Variants in GNE observed in about 807,000 individuals in gnomAD.
The protein encoded by GNE is glucosamine (UDP-N-acetyl)-2-epimerase/N-acetylmannosamine kinase, also known as bifunctional UDP-N-acetylglucosamine 2-epimerase/N-acetylmannosamine kinase.
Under a neutral mutation model 61.8 loss-of-function variants are expected in GNE, and 41 were observed. That is an observed-to-expected ratio of 0.66 (90% confidence interval 0.52 to 0.86). GNE has a LOEUF of 0.86. Ranked by LOEUF, GNE falls within the 40% of genes least tolerant of loss-of-function variation. GNE has a pLI of 0.00. For synonymous variants in GNE, 264 were observed against 326.4 expected, an observed-to-expected ratio of 0.81 and a Z score of 2.06; for missense variants, 608 against 909.1, an observed-to-expected ratio of 0.67 and a Z score of 4.26.
intron 9 of GNE, among the ~76,000 whole-genome samples, chr9:36,222,376 G>A (rs1033731433): frequency 4.9e-5 from 7 of 142,914 alleles, no homozygotes; most frequent in East Asian, 4.1e-4. Flanking sequence ...CCGAGATCCC[G>A]CCACTGCACT....
intron 5 of GNE, among the ~76,000 whole-genome samples, chr9:36,232,339 C>G (rs1829204987): frequency 9.4e-6 from 1 of 106,372 alleles, no homozygotes; most frequent in Admixed American, 9.2e-5. Context: ...CCCCCCCGCC[C>G]CCCCTCCCGA....
chr9:36,240,085 A>G (rs1829571424), intron 3 of GNE, among the ~76,000 whole-genome samples: 1 of 152,046 alleles, frequency 6.6e-6, no homozygotes, highest in African/African-American at 2.4e-5. Flanking sequence ...AGGATTTTCA[A>G]GGTAAATAAT....
intron 1 of GNE, among the ~76,000 whole-genome samples, chr9:36,256,944 C>T (rs970856405): frequency 8.5e-5 from 13 of 152,158 alleles, no homozygotes; most frequent in African/African-American, 1.4e-4. Flanking sequence ...CGGTGGCTGA[C>T]GCCTGTAACC....
At chr9:36,264,851 T>C (rs1830717414) in intron 1 of GNE, 1 of 156,872 alleles carries the variant, frequency 6.4e-6, no homozygotes, top group African/African-American at 2.4e-5. Context: ...ATGATCAGGA[T>C]ATAAAGCCAG....
In GNE at chr9:36,273,533, A is replaced by G. The variant is rs374510310; in HGVS notation, c.51+3361T>C. ...CGCCTGGCCACACTCCATAAACTTT[A>G]CGTGTTTTGAAATACACTGTTTACT... On this transcript the variant is annotated intron_variant, in intron 1 of 11. Transcript: ENST00000396594. Among the ~76,000 whole-genome samples, 10 of 151,966 alleles carry G rather than the reference A, an allele frequency of 6.6e-5. No individual in the cohort carries two copies. In the East Asian group the frequency reaches 1.4e-3, roughly 21 times the overall value.
chr9:36,258,604 G>T, upstream of GNE: 1 of 754,274 alleles, frequency 1.3e-6, no homozygotes, highest in Non-Finnish European at 1.6e-6. Flanking sequence ...ATTTTGAGGC[G>T]CAGGCAGGGT....
In GNE at chr9:36,257,161, C is replaced by T. The variant is rs1003653886; in HGVS notation, c.-43+1160G>A. ...TCATTGAGAGAACCGAAAATCAAAC[C>T]CTTGTCTGAATGACTTCAGCGCTCA... On this transcript the variant is annotated intron_variant, in intron 1 of 11. Coordinates refer to ENST00000642385, the MANE Select transcript of GNE (RefSeq NM_005476.7). Among the ~76,000 whole-genome samples, 17 of 152,150 alleles carry T rather than the reference C, an allele frequency of 1.1e-4. 1 individual carries two copies. Among genetic ancestry groups the T allele is most frequent in the South Asian group, 2.1e-4 (1 of 4,814 alleles).
chr9:36,253,371 G>C lies in GNE; in HGVS notation c.-42-3974C>G, dbSNP rs140217891. Among the ~76,000 whole-genome samples, 319 of 150,812 alleles carry C rather than the reference G, an allele frequency of 2.1e-3. 3 individuals are homozygous for C. Among genetic ancestry groups the C allele is most frequent in the African/African-American group, 7.4e-3 (304 of 41,058 alleles). On this transcript the variant is annotated intron_variant, in intron 1 of 11. Transcript: ENST00000642385. ...GCTCACTGCAACTTCCACCTCCCCA[G>C]TTCAAGAGATTCTTGTGCCTCAGCC...
At position 36,219,841 on chromosome 9, in the gene GNE, C is replaced by A; in HGVS notation, c.1813G>T (p.Asp605Tyr). Residue 605 changes from aspartate (D) to tyrosine (Y), a missense_variant, in exon 10 of 12, where the codon GAT (aspartate) becomes TAT (tyrosine). Coordinates refer to ENST00000642385, the MANE Select transcript of GNE (RefSeq NM_005476.7). ...TCCTCGAGAGAGGGACACCAACCAT[C>A]ATGGAGCTTTTTTGCCTCCCTCTGC... is the stretch of plus-strand genomic sequence containing the variant. The part of the protein sequence containing the change: ...ALQREAKKLH[D>Y]EDLLLVEGMS... The A allele has an allele frequency of 6.2e-7, 1 of 1,614,008 alleles. No homozygotes were observed. The highest frequency in any genetic ancestry group is 8.5e-7 in the Non-Finnish European group (1 of 1,179,840).
At chr9:36,248,407 C>T (rs1047508986) in intron 2 of GNE, among the ~76,000 whole-genome samples, 2 of 151,740 alleles carry the variant, frequency 1.3e-5, no homozygotes, top group Admixed American at 6.6e-5. Flanking sequence ...CTCCGCCTCC[C>T]GGGTTCAAGT....
chr9:36,251,274 C>G (rs559460407), intron 1 of GNE, among the ~76,000 whole-genome samples: 1 of 152,154 alleles, frequency 6.6e-6, no homozygotes, highest in East Asian at 1.9e-4. Flanking sequence ...TCGCTCTGAG[C>G]GTTATGGCCC....
Position 36,238,457 on chromosome 9 carries a change from G to A in GNE, c.617-1473C>T, listed in dbSNP as rs187960516. On this transcript the variant is annotated intron_variant, in intron 3 of 11. Coordinates refer to ENST00000642385, the MANE Select transcript of GNE (RefSeq NM_005476.7). The stretch of plus-strand genomic sequence containing the variant: ...ATGGCCATTCTTACAGGAGTAAGGC[G>A]GCATCGCATTATGGTTTTGATTTGC... 6.4e-3 allele frequency among the ~76,000 whole-genome samples: 977 copies of A among 152,266 alleles called. 6 individuals carry two copies. Among genetic ancestry groups the A allele is most frequent in the Admixed American group, 0.011 (174 of 15,288 alleles).
rs1743595484 is a variant in GNE at position 36,251,605 on chromosome 9, T to C, written c.-42-2208A>G. On this transcript the variant is annotated intron_variant, in intron 1 of 11. Coordinates refer to ENST00000642385, the MANE Select transcript of GNE (RefSeq NM_005476.7). ...AGCCAGACTTGGAACATGTTAAACT[T>C]CTCTAAATCAACATAAAATTTCACC... Among the ~76,000 whole-genome samples the C allele has an allele frequency of 3.9e-5, 6 of 152,014 alleles. No individual in the cohort carries two copies. The South Asian group carries it at 1.2e-3, about 32-fold the overall frequency.
chr9:36,238,751 G>A (rs561303777), intron 3 of GNE, among the ~76,000 whole-genome samples: 1 of 152,176 alleles, frequency 6.6e-6, no homozygotes, highest in South Asian at 2.1e-4. Context: ...TTAGGTCCAG[G>A]CTATTTATCT....
In GNE at chr9:36,217,676, A is replaced by T. The variant is rs539271317; in HGVS notation, c.1934-76T>A. On this transcript the variant is annotated intron_variant, in intron 11 of 11. Transcript: ENST00000642385. ...AATACCAAAGAGGAAGGCAGAAAAG[A>T]GCCAGCAGCAGAAATGTTAAAGAAC... 2.5e-5 allele frequency: 22 copies of T among 867,390 alleles called. No homozygotes were observed. The African/African-American group carries it at 3.7e-4, about 14-fold the overall frequency. The allele number at this position is 867,390 out of a possible 1,614,324, so 53.7% of individuals were successfully genotyped here.
intron 1 of GNE, among the ~76,000 whole-genome samples, chr9:36,275,604 A>G (rs1053411390): frequency 6.6e-6 from 1 of 152,182 alleles, no homozygotes; most frequent in Admixed American, 6.6e-5. Flanking sequence ...TTATACAAAA[A>G]AAATGGATGG....
upstream of GNE, among the ~76,000 whole-genome samples, chr9:36,262,227 G>A (rs1360085585): frequency 1.3e-5 from 2 of 151,912 alleles, no homozygotes; most frequent in South Asian, 2.1e-4. Flanking sequence ...TACCTTTAAC[G>A]GTAGGGAATA....
At chr9:36,260,739 G>A (rs2133173781), upstream of GNE, among the ~76,000 whole-genome samples, 4 of 151,582 alleles carry the variant, frequency 2.6e-5, no homozygotes, top group Admixed American at 2.6e-4. Flanking sequence ...CGTGGTGGCG[G>A]GCGCCTGTAG....
Position 36,222,867 on chromosome 9 carries a change from C to CT in GNE, c.1542dup (p.Asp515ArgfsTer3). On this transcript the variant is annotated frameshift_variant, in exon 9 of 12. Transcript: ENST00000642385. LOFTEE classifies it high-confidence loss of function. ...AGGGCAGCACAGTTGCCATCATTGTCTACCCACACAGGGAGATGCAAAGTG... is the reference window on the plus strand; with the variant it reads ...AGGGCAGCACAGTTGCCATCATTGTCTTACCCACACAGGGAGATGCAAAGTG... 4.3e-6 allele frequency: 7 copies of CT among 1,614,182 alleles called. No homozygotes were observed. Among genetic ancestry groups the CT allele is most frequent in the Non-Finnish European group, 5.9e-6 (7 of 1,180,022 alleles).
Sources: allele counts gnomAD v4.1 joint callset (sites outside exome capture counted in the v4.1 genomes callset), GRCh38; gene constraint gnomAD v4.1.1; transcripts MANE v1.5; gene names NCBI Gene and HGNC (gene_info 2026-07-23, HGNC 2026-07-21).